CEP128: variants seen among roughly 807,000 people sequenced by gnomAD.
The protein encoded by CEP128 is centrosomal protein 128, also known as centrosomal protein 128kDa.
In CEP128, 132 loss-of-function variants were observed where a neutral mutation model predicts 156.7. The ratio of observed to expected loss-of-function variants is 0.84; its 90% CI spans 0.73 to 0.97. CEP128 has a LOEUF of 0.97. Among genes scored for constraint, CEP128 ranks in the 50% least tolerant of loss-of-function variants. The pLI is 0.00. For synonymous variants in CEP128, 469 were observed against 448.9 expected (o/e 1.04, Z -0.57); for missense variants, 1,252 against 1,281.9 (o/e 0.98, Z 0.36).
At chr14:80,762,941 C>T (rs1320720220) in intron 16 of CEP128, among the ~76,000 whole-genome samples, 1 of 152,118 alleles carries the variant, frequency 6.6e-6, no homozygotes. Context: ...ACATTAAGCT[C>T]ACAAGAGATT....
chr14:80,594,739 C>T (rs1892239629), intron 19 of CEP128, among the ~76,000 whole-genome samples: 1 of 152,202 alleles, frequency 6.6e-6, no homozygotes, highest in Non-Finnish European at 1.5e-5. Context: ...CATCACTGGT[C>T]ATTAGAGAAA....
At chr14:80,824,146 C>T (rs541887521) in intron 13 of CEP128, among the ~76,000 whole-genome samples, 28 of 152,316 alleles carry the variant, frequency 1.8e-4, no homozygotes, top group African/African-American at 2.6e-4. Flanking sequence ...CTTTCAGCCA[C>T]GGCTGGAGCA....
intron 19 of CEP128, among the ~76,000 whole-genome samples, chr14:80,581,579 T>A (rs968032121): frequency 5.3e-5 from 8 of 152,100 alleles, no homozygotes; most frequent in Admixed American, 2.6e-4. Context: ...TGGTAAGCAA[T>A]CTCCTGAAGA....
At chr14:80,915,118 C>T (rs1186896809) in intron 3 of CEP128, among the ~76,000 whole-genome samples, 3 of 152,186 alleles carry the variant, frequency 2.0e-5, no homozygotes, top group African/African-American at 7.2e-5. Flanking sequence ...GTGGCATGAT[C>T]ATGGCTCACT....
chr14:80,632,080 T>C (rs1318881463), intron 19 of CEP128, among the ~76,000 whole-genome samples: 1 of 152,134 alleles, frequency 6.6e-6, no homozygotes, highest in Non-Finnish European at 1.5e-5. Context: ...GCTGCTTCTA[T>C]AATGTATAAA....
chr14:80,592,315 G>T (rs1892110727), intron 19 of CEP128, among the ~76,000 whole-genome samples: 2 of 152,148 alleles, frequency 1.3e-5, no homozygotes, highest in African/African-American at 2.4e-5. Context: ...AAATGGTGAA[G>T]GGGATATCAC....
intron 2 of CEP128, among the ~76,000 whole-genome samples, chr14:80,950,258 C>T (rs1022666128): frequency 6.6e-6 from 1 of 152,134 alleles, no homozygotes; most frequent in Non-Finnish European, 1.5e-5. Context: ...AAGTATGCCC[C>T]ACCAACACCT....
At chr14:80,955,455 G>A (rs1886610679) in intron 2 of CEP128, 1 of 603,156 alleles carries the variant, frequency 1.7e-6, no homozygotes, top group African/African-American at 1.8e-5. Context: ...AGTGAAGCAA[G>A]CAGACTTGTT....
At chr14:80,735,562 G>GA (rs1399790608) in intron 19 of CEP128, among the ~76,000 whole-genome samples, 2 of 152,124 alleles carry the variant, frequency 1.3e-5, no homozygotes, top group Non-Finnish European at 2.9e-5. Flanking sequence ...AAGTAGCAGA[G>GA]AACCTATTAC....
chr14:80,559,031 A>C (rs930304563), intron 21 of CEP128, among the ~76,000 whole-genome samples: 3 of 152,202 alleles, frequency 2.0e-5, no homozygotes, highest in Non-Finnish European at 4.4e-5. Context: ...AAATTAGTAC[A>C]TCTTGACATC....
chr14:80,612,536 A>G (rs548062549), intron 19 of CEP128, among the ~76,000 whole-genome samples: 1 of 152,214 alleles, frequency 6.6e-6, no homozygotes, highest in Non-Finnish European at 1.5e-5. Context: ...CAGAATTTCA[A>G]TTCAAGAATA....
chr14:80,662,558 G>A (rs1412720138), intron 19 of CEP128, among the ~76,000 whole-genome samples: 1 of 152,060 alleles, frequency 6.6e-6, no homozygotes, highest in African/African-American at 2.4e-5. Flanking sequence ...TTGACAGTGT[G>A]CAGTTAAATA....
intron 13 of CEP128, among the ~76,000 whole-genome samples, chr14:80,815,801 T>C (rs1359005669): frequency 6.6e-6 from 1 of 152,202 alleles, no homozygotes; most frequent in African/African-American, 2.4e-5. Context: ...CTGGGGTCCA[T>C]TATGATTAAG....
intron 14 of CEP128, among the ~76,000 whole-genome samples, chr14:80,485,452 G>C (rs1887141519): frequency 6.6e-6 from 1 of 152,024 alleles, no homozygotes; most frequent in Non-Finnish European, 1.5e-5. Context: ...AGTAATGAAA[G>C]TTTAGCATGG....
intron 8 of CEP128, among the ~76,000 whole-genome samples, chr14:80,887,562 G>A (rs1888867963): frequency 6.6e-6 from 1 of 152,124 alleles, no homozygotes; most frequent in Admixed American, 6.5e-5. Context: ...CAGAAATCAA[G>A]AAGTTCTTTG....
chr14:80,692,072 G>A (rs1322269659), intron 19 of CEP128, among the ~76,000 whole-genome samples: 2 of 152,134 alleles, frequency 1.3e-5, no homozygotes, highest in African/African-American at 4.8e-5. Context: ...TGGGGCAGAA[G>A]GTAGAAATTG....
At chr14:80,585,385 G>T (rs564810941) in intron 19 of CEP128, among the ~76,000 whole-genome samples, 1 of 152,344 alleles carries the variant, frequency 6.6e-6, no homozygotes, top group African/African-American at 2.4e-5. Context: ...CCAAGAAGCA[G>T]ATAGATTGTT....
intron 21 of CEP128, among the ~76,000 whole-genome samples, chr14:80,535,410 T>A (rs1196539386): frequency 6.6e-6 from 1 of 152,246 alleles, no homozygotes; most frequent in Non-Finnish European, 1.5e-5. Context: ...GTGAGTGCTT[T>A]ATGTAAATTC....
rs1433919954 is a variant in CEP128 at position 80,785,629 on chromosome 14, A to G, written c.1561-84T>C. Reference sequence around the variant, plus strand: ...ATAGACTCTGCCAGTCAGCAAAACAATGTTTAACCCACAAGGAAAAAAAAA... The same window carrying G: ...ATAGACTCTGCCAGTCAGCAAAACAGTGTTTAACCCACAAGGAAAAAAAAA... On this transcript the variant is annotated intron_variant, in intron 14 of 24. Transcript: ENST00000555265. 1.4e-5 allele frequency: 14 copies of G among 993,584 alleles called. No homozygotes were observed. The Admixed American group carries it at 4.5e-4, about 32-fold the overall frequency. 61.5% of individuals were successfully genotyped at this position (993,584 alleles called of 1,614,324 possible). A position where few individuals can be genotyped will look rare whatever the true frequency, so the allele number is the denominator to read the frequency against.
Sources: allele counts gnomAD v4.1 joint callset (sites outside exome capture counted in the v4.1 genomes callset), GRCh38; gene constraint gnomAD v4.1.1; transcripts MANE v1.5; gene names NCBI Gene and HGNC (gene_info 2026-07-23, HGNC 2026-07-21).